CDC14A: variants seen among roughly 807,000 people sequenced by gnomAD.
The protein encoded by CDC14A is dual specificity protein phosphatase CDC14A.
In CDC14A, 53 loss-of-function variants were observed where a neutral mutation model predicts 74.4. The ratio of observed to expected loss-of-function variants is 0.71; its 90% CI spans 0.57 to 0.89. The LOEUF (loss-of-function observed/expected upper bound fraction) is 0.89. Among genes scored for constraint, CDC14A ranks in the 40% least tolerant of loss-of-function variants. The pLI is 0.00. For synonymous variants in CDC14A, 247 were observed against 258.4 expected, an observed-to-expected ratio of 0.96 and a Z score of 0.43; for missense variants, 646 against 713.7, an observed-to-expected ratio of 0.91 and a Z score of 1.08.
chr1:100,499,664 G>A (rs1018642694), intron 15 of CDC14A, among the ~76,000 whole-genome samples: 1 of 152,132 alleles, frequency 6.6e-6, no homozygotes, highest in Non-Finnish European at 1.5e-5. Context: ...CTGGGGGTGC[G>A]CTGGTTTGGG....
chr1:100,378,422 T>C (rs1655611309), intron 3 of CDC14A, among the ~76,000 whole-genome samples: 1 of 152,230 alleles, frequency 6.6e-6, no homozygotes, highest in Admixed American at 6.5e-5. Flanking sequence ...TACTAAATTA[T>C]ATTGCTCAGG....
At chr1:100,404,131 C>T (rs1035845787) in intron 4 of CDC14A, among the ~76,000 whole-genome samples, 4 of 151,422 alleles carry the variant, frequency 2.6e-5, no homozygotes, top group Non-Finnish European at 5.9e-5. Flanking sequence ...TAACCGCTTG[C>T]AGTGAGCTGA....
intron 7 of CDC14A, among the ~76,000 whole-genome samples, chr1:100,449,019 T>C (rs563285478): frequency 6.6e-6 from 1 of 152,330 alleles, no homozygotes; most frequent in East Asian, 1.9e-4. Flanking sequence ...TGATACAAAA[T>C]TTCTCACTGA....
At chr1:100,419,225 T>TAAATAAAAA (rs1661947816) in intron 4 of CDC14A, among the ~76,000 whole-genome samples, 1 of 152,034 alleles carries the variant, frequency 6.6e-6, no homozygotes, top group Non-Finnish European at 1.5e-5. Flanking sequence ...ACTGTGACTG[T>TAAATAAAAA]GAAGAGATAA....
chr1:100,387,026 T>A lies in CDC14A; in HGVS notation c.217-3706T>A, dbSNP rs577296193. Among the ~76,000 whole-genome samples the A allele has an allele frequency of 6.6e-5, 10 of 152,060 alleles. No individual in the cohort carries two copies. The South Asian group carries it at 8.3e-4, about 13-fold the overall frequency. On this transcript the variant is annotated intron_variant, in intron 3 of 15. Transcript: ENST00000336454. ...AAAACATTAAAGAGTTTTTTTTTTT[T>A]AAATCAGCCCACTCATATAAAACAT...
intron 7 of CDC14A, among the ~76,000 whole-genome samples, chr1:100,444,206 T>C (rs1370942680): frequency 6.6e-6 from 1 of 152,220 alleles, no homozygotes; most frequent in Non-Finnish European, 1.5e-5. Context: ...TCACTTCTAC[T>C]GGTGCCACAG....
intron 4 of CDC14A, among the ~76,000 whole-genome samples, chr1:100,404,942 A>G (rs1430006172): frequency 6.6e-6 from 1 of 152,242 alleles, no homozygotes; most frequent in Middle Eastern, 3.2e-3. Flanking sequence ...TACCTCATAG[A>G]GTTATTTAAT....
At chr1:100,407,917 A>G (rs1037327360) in intron 4 of CDC14A, among the ~76,000 whole-genome samples, 2 of 152,156 alleles carry the variant, frequency 1.3e-5, no homozygotes, top group Non-Finnish European at 1.5e-5. Flanking sequence ...TTTTATTTAA[A>G]AAAATCTTTT....
rs555056308 is a variant in CDC14A, at chr1:100,373,990, T to C, written c.141-3556T>C. ...CCACAACAGTCCCCAGAGTGTGATG[T>C]TCCCCTTCCTGTGTCCATGTATTCT... On this transcript the variant is annotated intron_variant, in intron 2 of 15. Transcript: ENST00000336454. 6.6e-3 allele frequency among the ~76,000 whole-genome samples: 1,011 copies of C among 152,274 alleles called. 7 individuals are homozygous for C. The highest frequency in any genetic ancestry group is 0.011 in the Non-Finnish European group (776 of 68,010).
At chr1:100,355,647 A>G (rs1052399552) in intron 2 of CDC14A, among the ~76,000 whole-genome samples, 7 of 152,154 alleles carry the variant, frequency 4.6e-5, no homozygotes, top group African/African-American at 1.7e-4. Flanking sequence ...GCCTGGGCAG[A>G]GTGTGTACTT....
At chr1:100,432,915 G>A (rs1231548667) in intron 5 of CDC14A, among the ~76,000 whole-genome samples, 2 of 152,134 alleles carry the variant, frequency 1.3e-5, no homozygotes, top group Non-Finnish European at 2.9e-5. Flanking sequence ...CAGAAATAGA[G>A]TCTCACTCTG....
chr1:100,355,690 G>A (rs1157297347), intron 2 of CDC14A, among the ~76,000 whole-genome samples: 4 of 152,148 alleles, frequency 2.6e-5, no homozygotes, highest in East Asian at 1.9e-4. Context: ...CTGTGCCACA[G>A]TAATGGCTGT....
At chr1:100,451,616 T>A (rs1666151631) in intron 7 of CDC14A, among the ~76,000 whole-genome samples, 1 of 152,230 alleles carries the variant, frequency 6.6e-6, no homozygotes, top group African/African-American at 2.4e-5. Context: ...AGAAGGCACT[T>A]TTTAAATGAA....
At chr1:100,438,194 G>A (rs1334855448) in intron 5 of CDC14A, among the ~76,000 whole-genome samples, 3 of 151,928 alleles carry the variant, frequency 2.0e-5, no homozygotes, top group Non-Finnish European at 1.5e-5. Context: ...ACTAGATCTT[G>A]TTATATAATA....
At chr1:100,450,009 GT>G (rs796149452) in intron 7 of CDC14A, among the ~76,000 whole-genome samples, 173 of 145,510 alleles carry the variant, frequency 1.2e-3, no homozygotes, top group East Asian at 3.4e-3. Context: ...CAAGAGTGAG[GT>G]TTTTTTTTTT....
chr1:100,373,205 A>G lies in CDC14A; in HGVS notation c.141-4341A>G, dbSNP rs938966934. ...AACACTGAGAGGCCATGATAGGGTT[A>G]TTAATTGGCCTGATTTCAATATTGT... On this transcript the variant is annotated intron_variant, in intron 2 of 15. Transcript: ENST00000336454. Among the ~76,000 whole-genome samples the G allele has an allele frequency of 7.9e-5, 12 of 151,042 alleles. No homozygotes were observed. The East Asian group carries it at 1.9e-3, about 24-fold the overall frequency.
intron 2 of CDC14A, among the ~76,000 whole-genome samples, chr1:100,355,417 A>G (rs1466018323): frequency 6.6e-6 from 1 of 152,062 alleles, no homozygotes; most frequent in Non-Finnish European, 1.5e-5. Context: ...AATTAAGCCA[A>G]ACTAAACACT....
rs577007477 is a variant in CDC14A, at chr1:100,510,023, T to C, written c.1756-8228T>C. Among the ~76,000 whole-genome samples the C allele has an allele frequency of 2.0e-5, 3 of 152,330 alleles. No homozygotes were observed. The South Asian group carries it at 6.2e-4, about 32-fold the overall frequency. On this transcript the variant is annotated intron_variant, in intron 15 of 15. Transcript: ENST00000336454. The stretch of plus-strand genomic sequence containing the variant: ...TCTTTATGGTTAAGAGGGGAAAGGC[T>C]GTGTTCCCATTTCCTATTAGGAACC...
In CDC14A at chr1:100,353,832, T is replaced by G; in HGVS notation, c.120T>G (p.Asp40Glu). 1 of 1,605,776 alleles carries G rather than the reference T, an allele frequency of 6.2e-7. No individual in the cohort carries two copies. Among genetic ancestry groups the G allele is most frequent in the Non-Finnish European group, 8.5e-7 (1 of 1,173,910 alleles). The part of the protein sequence containing the change: ...STVNTHYFSI[D>E]EELVYENFYA... ...TAAATACCCACTATTTCTCCATCGA[T>G]GAGGAGCTGGTCTATGAAAAGTAAG... Residue 40 changes from aspartate to glutamate, a missense_variant, in exon 2 of 16, where the codon GAT becomes GAG. Coordinates refer to ENST00000336454, the MANE Select transcript of CDC14A (RefSeq NM_003672.4).
Sources: gnomAD v4.1 joint callset for allele counts (sites outside exome capture counted in the v4.1 genomes callset) on GRCh38, gnomAD v4.1.1 for gene constraint, MANE v1.5 for transcripts, NCBI Gene and HGNC (gene_info 2026-07-23, HGNC 2026-07-21) for gene names.